Variants in RHAG observed in about 807,000 individuals in gnomAD.
RHAG encodes the protein Rh associated glycoprotein.
Under a neutral mutation model 42.4 loss-of-function variants are expected in RHAG, and 25 were observed. The observed-to-expected ratio is 0.59, with a 90% CI of 0.43 to 0.82. The LOEUF is 0.82. Among genes scored for constraint, RHAG ranks in the 40% least tolerant of loss-of-function variants. RHAG has a pLI of 0.00. For synonymous variants in RHAG, 182 were observed against 177.7 expected (o/e 1.02, Z -0.19); for missense variants, 483 against 504.6 (o/e 0.96, Z 0.41).
chr6:49,607,551 C>G (rs891610570), intron 7 of RHAG, among the ~76,000 whole-genome samples: 2 of 152,160 alleles, frequency 1.3e-5, no homozygotes, highest in African/African-American at 4.8e-5. Context: ...TATCCACTCT[C>G]TGTCAGTTTC....
chr6:49,625,906 G>C (rs1762835220), intron 1 of RHAG, among the ~76,000 whole-genome samples: 1 of 152,158 alleles, frequency 6.6e-6, no homozygotes, highest in Admixed American at 6.5e-5. Context: ...GCAGGCAAGA[G>C]AGCTTGTGTA....
chr6:49,618,299 G>T, intron 2 of RHAG, 81 bp from the exon 3 acceptor site: 1 of 1,470,204 alleles, frequency 6.8e-7, no homozygotes, highest in South Asian at 1.2e-5. Context: ...TCTCCCACCA[G>T]GCACATCCAG....
chr6:49,612,498 C>T lies in RHAG; in HGVS notation c.844G>A (p.Ala282Thr). ...GCCATATCCGCACAAGTGCCCACAG[C>T]AACTCCTCCAGCAAGGGTGGCATTC... ...IQNATLAGGV[A>T]VGTCADMAIH... Residue 282 changes from alanine (A) to threonine (T), a missense_variant, in exon 6 of 10, where the codon GCT (alanine) becomes ACT (threonine). Coordinates refer to ENST00000371175, the MANE Select transcript of RHAG (RefSeq NM_000324.3). 6.2e-7 allele frequency: 1 copy of T among 1,614,096 alleles called. No individual in the cohort carries two copies. The highest frequency in any genetic ancestry group is 8.5e-7 in the Non-Finnish European group (1 of 1,180,000).
At chr6:49,633,905 G>C (rs1259545478) in intron 1 of RHAG, among the ~76,000 whole-genome samples, 3 of 151,930 alleles carry the variant, frequency 2.0e-5, no homozygotes, top group Non-Finnish European at 2.9e-5. Context: ...ATATCTCCTT[G>C]TCTGCCTTTC....
chr6:49,611,635 T>C (rs79347735), intron 6 of RHAG, among the ~76,000 whole-genome samples: 7,587 of 152,220 alleles, frequency 0.05, 277 homozygotes, highest in South Asian at 0.11. Context: ...GATTTGAATA[T>C]ATAGTTGTGG....
At chr6:49,631,063 A>T (rs938338747) in intron 1 of RHAG, among the ~76,000 whole-genome samples, 1 of 152,216 alleles carries the variant, frequency 6.6e-6, no homozygotes, top group East Asian at 1.9e-4. Context: ...ATTGTTGGCA[A>T]GAATATTATA....
chr6:49,623,731 A>G (rs1762799694), intron 1 of RHAG, among the ~76,000 whole-genome samples: 1 of 152,210 alleles, frequency 6.6e-6, no homozygotes, highest in Non-Finnish European at 1.5e-5. Context: ...AGCTTCCCAC[A>G]AGGAAGTATT....
chr6:49,620,942 A>T (rs1364098790), intron 1 of RHAG, among the ~76,000 whole-genome samples: 1 of 152,202 alleles, frequency 6.6e-6, no homozygotes, highest in East Asian at 1.9e-4. Flanking sequence ...CAACATTAAA[A>T]GTCCATTAAT....
In RHAG at chr6:49,628,858, G is replaced by C. The variant is rs536045278; in HGVS notation, c.157+7798C>G. On this transcript the variant is annotated intron_variant, in intron 1 of 9. Transcript: ENST00000371175. ...CTCATAAAAGCAGTGTGGACCCAAA[G>C]AGTGAGCAGTAGCAAGATTTATTGC... 1.7e-4 allele frequency among the ~76,000 whole-genome samples: 26 copies of C among 152,316 alleles called. No individual in the cohort carries two copies. In the South Asian group the frequency reaches 5.4e-3, roughly 32 times the overall value.
chr6:49,613,606 G>A (rs954269300), intron 5 of RHAG, among the ~76,000 whole-genome samples: 1 of 152,002 alleles, frequency 6.6e-6, no homozygotes, highest in Non-Finnish European at 1.5e-5. Context: ...CACCCCACCT[G>A]CCCCACCCAG....
chr6:49,621,608 T>A (rs915446348), intron 1 of RHAG, among the ~76,000 whole-genome samples: 1 of 152,210 alleles, frequency 6.6e-6, no homozygotes, highest in African/African-American at 2.4e-5. Context: ...CCCTTTTTGC[T>A]TTTTGAAGTA....
intron 7 of RHAG, among the ~76,000 whole-genome samples, chr6:49,608,854 G>C (rs2127349905): frequency 6.6e-6 from 1 of 152,144 alleles, no homozygotes; most frequent in African/African-American, 2.4e-5. Flanking sequence ...GAGTGAAGTT[G>C]AGTATTTTAT....
At chr6:49,629,841 A>G (rs2127358043) in intron 1 of RHAG, among the ~76,000 whole-genome samples, 1 of 143,810 alleles carries the variant, frequency 7.0e-6, no homozygotes, top group African/African-American at 2.7e-5. Context: ...GGCTGCTCCG[A>G]GTGCGGGGCC....
intron 1 of RHAG, among the ~76,000 whole-genome samples, chr6:49,632,606 T>G (rs1055801336): frequency 2.0e-5 from 3 of 152,226 alleles, no homozygotes; most frequent in African/African-American, 7.2e-5. Context: ...TCAATATTTT[T>G]CAAATGGACA....
intron 7 of RHAG, 29 bp from the exon 8 acceptor site, chr6:49,607,249 G>A (rs368237912): frequency 1.9e-6 from 3 of 1,582,846 alleles, no homozygotes; most frequent in East Asian, 4.5e-5. Flanking sequence ...AAGAATCAGT[G>A]TCTTTCCTGG....
chr6:49,616,784 A>G (rs967911100), intron 3 of RHAG, among the ~76,000 whole-genome samples: 1 of 152,196 alleles, frequency 6.6e-6, no homozygotes, highest in Admixed American at 6.5e-5. Context: ...GGTTGTAATG[A>G]GTCAAATATC....
At chr6:49,629,722 A>G (rs1208244438) in intron 1 of RHAG, among the ~76,000 whole-genome samples, 1 of 152,210 alleles carries the variant, frequency 6.6e-6, no homozygotes, top group Non-Finnish European at 1.5e-5. Flanking sequence ...CCCGTGAGAA[A>G]TCGAGCGCAG....
chr6:49,623,558 A>C (rs1762797341), intron 1 of RHAG, among the ~76,000 whole-genome samples: 1 of 152,172 alleles, frequency 6.6e-6, no homozygotes, highest in Non-Finnish European at 1.5e-5. Flanking sequence ...AGTCTTGTCT[A>C]AATCAGTGAT....
intron 3 of RHAG, 147 bp downstream of exon 3, chr6:49,617,921 G>T: frequency 1.4e-6 from 1 of 695,634 alleles, no homozygotes; most frequent in Non-Finnish European, 2.5e-6. Context: ...TTTACAGTAG[G>T]CACTCAGTAA....
Sources: gnomAD v4.1 joint callset for allele counts (sites outside exome capture counted in the v4.1 genomes callset) on GRCh38, gnomAD v4.1.1 for gene constraint, MANE v1.5 for transcripts, NCBI Gene and HGNC (gene_info 2026-07-23, HGNC 2026-07-21) for gene names.